Variants in DPY19L1 observed in about 807,000 individuals in gnomAD.
DPY19L1 encodes the protein dpy-19 like C-mannosyltransferase 1.
DPY19L1 carries 35 observed loss-of-function variants against 96.9 expected under a neutral mutation model. The observed-to-expected ratio is 0.36, with a 90% CI of 0.28 to 0.48. DPY19L1 has a LOEUF of 0.48. Among genes scored for constraint, DPY19L1 ranks in the 20% least tolerant of loss-of-function variants. DPY19L1 has a pLI of 0.99. For synonymous variants in DPY19L1, 205 were observed against 252.6 expected (o/e 0.81, Z 1.79); for missense variants, 521 against 777.9 (o/e 0.67, Z 3.93).
At chr7:35,022,148 G>T (rs529413658) in intron 1 of DPY19L1, among the ~76,000 whole-genome samples, 3 of 152,078 alleles carry the variant, frequency 2.0e-5, no homozygotes, top group Non-Finnish European at 4.4e-5. Context: ...GTTTATCGAC[G>T]TTTTTGAGAG....
Position 35,014,430 on chromosome 7 carries a change from A to G in DPY19L1, c.412-725T>C, listed in dbSNP as rs1214826704. On this transcript the variant is annotated intron_variant, in intron 3 of 21. Transcript: ENST00000638088. The stretch of plus-strand genomic sequence containing the variant: ...AAAACAAGAAAATACTAGAAGCCTA[A>G]CGGAGAGTCTAAGTGGCAGTATGAG... 2.0e-5 allele frequency among the ~76,000 whole-genome samples: 3 copies of G among 152,098 alleles called. No homozygotes were observed. In the East Asian group the frequency reaches 5.8e-4, roughly 29 times the overall value.
chr7:35,009,749 C>T (rs1272607561), intron 6 of DPY19L1, among the ~76,000 whole-genome samples: 2 of 152,102 alleles, frequency 1.3e-5, no homozygotes, highest in Non-Finnish European at 2.9e-5. Context: ...CTCATGTTAC[C>T]TTAAGCAGTA....
intron 1 of DPY19L1, among the ~76,000 whole-genome samples, chr7:35,022,211 T>C (rs1786011502): frequency 6.6e-6 from 1 of 152,210 alleles, no homozygotes; most frequent in East Asian, 1.9e-4. Flanking sequence ...ATGCCATTTT[T>C]TTTACATTCT....
At chr7:35,031,055 A>G (rs926350496) in intron 1 of DPY19L1, among the ~76,000 whole-genome samples, 1 of 152,152 alleles carries the variant, frequency 6.6e-6, no homozygotes, top group African/African-American at 2.4e-5. Flanking sequence ...AACTAGCAAA[A>G]CAGGAATTTA....
intron 10 of DPY19L1, among the ~76,000 whole-genome samples, chr7:34,961,925 C>G (rs746126523): frequency 1.3e-5 from 2 of 152,160 alleles, no homozygotes; most frequent in Admixed American, 1.3e-4. Flanking sequence ...CTACTGGATG[C>G]CCAAAATCCA....
At chr7:34,949,522 G>GA (rs1475989603) in intron 14 of DPY19L1, among the ~76,000 whole-genome samples, 1 of 152,148 alleles carries the variant, frequency 6.6e-6, no homozygotes, top group Non-Finnish European at 1.5e-5. Context: ...TGCTATCACT[G>GA]AAAAATGGCA....
At position 34,938,103 on chromosome 7, in the gene DPY19L1, C is replaced by G; in HGVS notation, c.1981G>C (p.Val661Leu). 1 of 1,613,322 alleles carries G rather than the reference C, an allele frequency of 6.2e-7. No individual in the cohort carries two copies. The highest frequency in any genetic ancestry group is 8.5e-7 in the Non-Finnish European group (1 of 1,179,834). ...DAGLRARTKI[V>L]YSMYSRKAAE... ...GCTTTCCGACTATACATTGAGTATA[C>G]TATTTTTGTTCTGGCTCTTTAAAGA... is the stretch of plus-strand genomic sequence containing the variant. Residue 661 changes from valine to leucine, a missense_variant, in exon 21 of 22, where the codon GTA (valine) becomes CTA (leucine). Val to Leu is a conservative substitution (Grantham distance 32). Transcript: ENST00000638088.
At position 34,929,472 on chromosome 7, in the gene DPY19L1, T is replaced by C. The variant is rs1167619028; in HGVS notation, c.*2101A>G. On this transcript the variant is annotated 3_prime_UTR_variant, in exon 22 of 22. Transcript: ENST00000638088. ...TGGTTCCCAGCAAATGAAGCAGTTA[T>C]AATAGTATTTTTAATGCTTTTTTCC... 1.3e-5 allele frequency: 2 copies of C among 152,224 alleles called. No homozygotes were observed. The highest frequency in any genetic ancestry group is 1.3e-4 in the Admixed American group (2 of 15,292). The allele number at this position is 152,224 out of a possible 1,614,324, so 9.4% of individuals were successfully genotyped here.
intron 6 of DPY19L1, among the ~76,000 whole-genome samples, chr7:34,995,868 C>T (rs1785270642): frequency 7.6e-6 from 1 of 131,342 alleles, no homozygotes; most frequent in African/African-American, 2.9e-5. Context: ...AAATGCCAAG[C>T]AGGCCTGGTT....
Position 35,020,272 on chromosome 7 carries a change from A to G in DPY19L1, c.299-1676T>C, listed in dbSNP as rs1352526604. Reference sequence around the variant, plus strand: ...ACTTTTATCATACTGAAGACTTGCCATGCTTCTACTTTGGTAATCACTCTG... The same window carrying G: ...ACTTTTATCATACTGAAGACTTGCCGTGCTTCTACTTTGGTAATCACTCTG... On this transcript the variant is annotated intron_variant, in intron 1 of 21. Transcript: ENST00000638088. 3.3e-5 allele frequency among the ~76,000 whole-genome samples: 5 copies of G among 152,336 alleles called. No individual in the cohort carries two copies. The East Asian group carries it at 9.6e-4, about 29-fold the overall frequency.
In DPY19L1 at chr7:34,941,676, T is replaced by C. The variant is rs1186076913; in HGVS notation, c.1689+89A>G. 3 of 1,190,886 alleles carry C rather than the reference T, an allele frequency of 2.5e-6. No individual in the cohort carries two copies. The South Asian group carries it at 4.1e-5, about 16-fold the overall frequency. The allele number at this position is 1,190,886 out of a possible 1,614,324, so 73.8% of individuals were successfully genotyped here. A position where few individuals can be genotyped will look rare whatever the true frequency, so the allele number is the denominator to read the frequency against. ...ATGAAGAGCTTTAACTATAATCACT[T>C]AAAAGACTTTGTAATTCATTATTTT... On this transcript the variant is annotated intron_variant, in intron 18 of 21. Transcript: ENST00000638088.
intron 1 of DPY19L1, among the ~76,000 whole-genome samples, chr7:35,031,395 T>C (rs1786256848): frequency 6.6e-6 from 1 of 152,234 alleles, no homozygotes; most frequent in Non-Finnish European, 1.5e-5. Context: ...TGCCATTTTA[T>C]ACTAGGGACT....
chr7:35,031,556 T>G (rs1415828659), intron 1 of DPY19L1, among the ~76,000 whole-genome samples: 1 of 152,228 alleles, frequency 6.6e-6, no homozygotes. Context: ...CCTAATAGGA[T>G]AAGTATTTAC....
At chr7:34,983,807 AAAG>A (rs1449547095) in intron 7 of DPY19L1, among the ~76,000 whole-genome samples, 1 of 152,198 alleles carries the variant, frequency 6.6e-6, no homozygotes, top group African/African-American at 2.4e-5. Context: ...AAGTATTTAA[AAAG>A]AAGATCTTGG....
chr7:34,949,935 A>T (rs948187493), intron 13 of DPY19L1, 37 bp from the exon 14 acceptor site: 1 of 1,066,744 alleles, frequency 9.4e-7, no homozygotes, highest in African/African-American at 1.6e-5. Flanking sequence ...ATTAAGCCAT[A>T]CACTGCAATA....
chr7:35,012,689 G>A (rs1036154869), intron 4 of DPY19L1, among the ~76,000 whole-genome samples: 4 of 151,726 alleles, frequency 2.6e-5, no homozygotes, highest in African/African-American at 9.7e-5. Context: ...TTACATGTAT[G>A]TATAAAAGAC....
chr7:35,012,903 TTATGTA>T (rs58299171), intron 4 of DPY19L1, among the ~76,000 whole-genome samples: 33,976 of 151,688 alleles, frequency 0.22, 4,259 homozygotes, highest in Non-Finnish European at 0.29. Flanking sequence ...TAAAAATGCA[TTATGTA>T]TATATGTATG....
chr7:35,026,648 G>C (rs940739635), intron 1 of DPY19L1, among the ~76,000 whole-genome samples: 1 of 152,100 alleles, frequency 6.6e-6, no homozygotes, highest in African/African-American at 2.4e-5. Flanking sequence ...AACAATCCAG[G>C]AGTAAGATGA....
At position 35,027,668 on chromosome 7, in the gene DPY19L1, T is replaced by TAAAAAAAAAAAAAAAA. The variant is rs57262214; in HGVS notation, c.299-9088_299-9073dup. 9.9e-4 allele frequency among the ~76,000 whole-genome samples: 71 copies of TAAAAAAAAAAAAAAAA among 71,364 alleles called. 4 individuals are homozygous for TAAAAAAAAAAAAAAAA. The highest frequency in any genetic ancestry group is 1.8e-3 in the African/African-American group (42 of 22,892). 46.8% of individuals were successfully genotyped at this position (71,364 alleles called of 152,430 possible). A position where few individuals can be genotyped will look rare whatever the true frequency, so the allele number is the denominator to read the frequency against. ...CAACATGGCAAAACCCCGTCTCTACTAAAAAAAAAAAAAAAAAAAATTAGT... is the reference window on the plus strand; with the variant it reads ...CAACATGGCAAAACCCCGTCTCTACTAAAAAAAAAAAAAAAAAAAAAAAAAAAAAAAAAAAATTAGT... On this transcript the variant is annotated intron_variant, in intron 1 of 21. Coordinates refer to ENST00000638088, the MANE Select transcript of DPY19L1 (RefSeq NM_001366673.1).
Sources: gnomAD v4.1 joint callset for allele counts (sites outside exome capture counted in the v4.1 genomes callset) on GRCh38, gnomAD v4.1.1 for gene constraint, MANE v1.5 for transcripts, NCBI Gene and HGNC (gene_info 2026-07-23, HGNC 2026-07-21) for gene names.